The following PPARG variants were observed in gnomAD, a reference collection of about 807,000 sequenced individuals.
PPARG encodes peroxisome proliferator activated receptor gamma, also known as peroxisome proliferator-activated receptor gamma.
In PPARG, 17 loss-of-function variants were observed where a neutral mutation model predicts 39.2. The observed-to-expected ratio is 0.43, with a 90% CI of 0.30 to 0.65. The LOEUF is 0.65. Ranked by LOEUF, PPARG falls within the 30% of genes least tolerant of loss-of-function variation. The probability of loss-of-function intolerance (pLI) is 0.13; values close to 1 mark genes in which losing one functional copy is unlikely to be tolerated. For synonymous variants in PPARG, 223 were observed against 215.7 expected, an observed-to-expected ratio of 1.03 and a Z score of -0.30; for missense variants, 406 against 585.9, an observed-to-expected ratio of 0.69 and a Z score of 3.17.
rs536993642 is a variant in PPARG at position 12,294,328 on chromosome 3, A to G, written c.-83+5194A>G. Among the ~76,000 whole-genome samples the G allele has an allele frequency of 5.9e-5, 9 of 152,356 alleles. No individual in the cohort carries two copies. In the South Asian group the frequency reaches 1.7e-3, roughly 28 times the overall value. On this transcript the variant is annotated intron_variant, in intron 1 of 7. Coordinates refer to ENST00000651735, the MANE Select transcript of PPARG (RefSeq NM_138711.6). ...TCAAAACAGTTATTCTGAAACATCA[A>G]TTAAACTAAGAAATGTAATCACAGT...
At chr3:12,324,893 T>G (rs1004515213) in intron 2 of PPARG, among the ~76,000 whole-genome samples, 8 of 152,212 alleles carry the variant, frequency 5.3e-5, no homozygotes, top group African/African-American at 1.7e-4. Flanking sequence ...CTCTCTACTG[T>G]GTCCTCAGCA....
chr3:12,296,177 G>A lies in PPARG; in HGVS notation c.-83+7043G>A, dbSNP rs143981291. Among the ~76,000 whole-genome samples, 1,060 of 149,918 alleles carry A rather than the reference G, an allele frequency of 7.1e-3. 12 individuals carry two copies. The highest frequency in any genetic ancestry group is 0.023 in the African/African-American group (952 of 40,830). On this transcript the variant is annotated intron_variant, in intron 1 of 7. Transcript: ENST00000651735. ...TGAGACAGGAGAATCACTTGAACCC[G>A]GTAGGTGGAGGTTGCAGTGAGCCGA...
At chr3:12,410,878 T>C (rs2050858748) in intron 6 of PPARG, among the ~76,000 whole-genome samples, 1 of 152,210 alleles carries the variant, frequency 6.6e-6, no homozygotes, top group African/African-American at 2.4e-5. Flanking sequence ...GTATGGGTTC[T>C]TTTCCCTTTA....
chr3:12,381,569 T>C (rs906749154), intron 4 of PPARG, 78 bp downstream of exon 4: 4 of 1,447,148 alleles, frequency 2.8e-6, no homozygotes, highest in Non-Finnish European at 2.9e-6. Context: ...TTTTAGGTGA[T>C]ACAATATATG....
chr3:12,296,206 G>T (rs887636694), intron 1 of PPARG, among the ~76,000 whole-genome samples: 2 of 131,020 alleles, frequency 1.5e-5, no homozygotes, highest in African/African-American at 5.7e-5. Flanking sequence ...GAGCCGAGAA[G>T]ATTGTGCCAC....
At chr3:12,319,588 AAAGTATAT>A (rs1454787668) in intron 2 of PPARG, among the ~76,000 whole-genome samples, 4 of 152,208 alleles carry the variant, frequency 2.6e-5, no homozygotes, top group Non-Finnish European at 5.9e-5. Flanking sequence ...CTGGAAATAT[AAAGTATAT>A]TACTCATGAA....
intron 2 of PPARG, among the ~76,000 whole-genome samples, chr3:12,361,222 A>G (rs574745070): frequency 1.8e-4 from 28 of 152,318 alleles, no homozygotes; most frequent in Middle Eastern, 3.4e-3. Context: ...GTACCTGTTC[A>G]AGTCTTTCAC....
At chr3:12,353,424 A>G (rs962770541) in intron 2 of PPARG, among the ~76,000 whole-genome samples, 1 of 152,120 alleles carries the variant, frequency 6.6e-6, no homozygotes, top group Non-Finnish European at 1.5e-5. Flanking sequence ...CTCTTCCAAA[A>G]CAGACAGACT....
chr3:12,287,823 C>A (rs2046542067), upstream of PPARG: 1 of 95,336 alleles, frequency 1.0e-5, no homozygotes, highest in Non-Finnish European at 2.4e-5. Context: ...CCCGCCCCCA[C>A]CCCCACCCCC....
rs1019315026 is a variant in PPARG, at chr3:12,345,058, A to G, written c.-9+32605A>G. On this transcript the variant is annotated intron_variant, in intron 2 of 7. Transcript: ENST00000651735. Reference sequence around the variant, plus strand: ...AGCATTGTTGTGAGTTTCAAACGAAATAAAAACACTATACAGATCCAAGGT... The same window carrying G: ...AGCATTGTTGTGAGTTTCAAACGAAGTAAAAACACTATACAGATCCAAGGT... Among the ~76,000 whole-genome samples, 3 of 151,740 alleles carry G rather than the reference A, an allele frequency of 2.0e-5. No homozygotes were observed. The Admixed American group carries it at 2.0e-4, about 10-fold the overall frequency.
intron 5 of PPARG, among the ~76,000 whole-genome samples, chr3:12,403,325 TTTTA>T (rs1307678119): frequency 7.2e-5 from 11 of 151,924 alleles, no homozygotes; most frequent in East Asian, 1.9e-4. Context: ...TACTGTATTT[TTTTA>T]TTTGTCTTAT....
intron 2 of PPARG, among the ~76,000 whole-genome samples, chr3:12,364,918 T>G (rs2048966451): frequency 6.6e-6 from 1 of 152,190 alleles, no homozygotes; most frequent in African/African-American, 2.4e-5. Context: ...TTAAGCGTTC[T>G]TTGTATATTT....
At chr3:12,393,190 A>ATTTTTTTTTTTTTTTT (rs143287325) in intron 5 of PPARG, among the ~76,000 whole-genome samples, 1 of 111,542 alleles carries the variant, frequency 9.0e-6, no homozygotes, top group African/African-American at 3.5e-5. Context: ...GATTCATTTA[A>ATTTTTTTTTTTTTTTT]TTTTTTTTTT....
intron 2 of PPARG, among the ~76,000 whole-genome samples, chr3:12,318,852 G>A (rs1240322330): frequency 6.7e-6 from 1 of 150,332 alleles, no homozygotes; most frequent in Non-Finnish European, 1.5e-5. Flanking sequence ...CTTTCATACT[G>A]TTCTAGTTTT....
At chr3:12,343,518 G>T (rs376376994) in intron 2 of PPARG, among the ~76,000 whole-genome samples, 33 of 152,050 alleles carry the variant, frequency 2.2e-4, no homozygotes, top group African/African-American at 8.0e-4. Flanking sequence ...AAATGACTTC[G>T]CAGGGTTGAG....
intron 2 of PPARG, among the ~76,000 whole-genome samples, chr3:12,371,103 A>G (rs1011192823): frequency 5.3e-5 from 8 of 152,276 alleles, no homozygotes; most frequent in Admixed American, 3.9e-4. Context: ...ATTAATATTA[A>G]TTATATTTAT....
At chr3:12,401,636 G>A (rs1317323370) in intron 5 of PPARG, among the ~76,000 whole-genome samples, 1 of 150,938 alleles carries the variant, frequency 6.6e-6, no homozygotes, top group Non-Finnish European at 1.5e-5. Context: ...AAAAAAGTAG[G>A]CAAATAAAAA....
At chr3:12,391,135 G>A (rs1314177988) in intron 4 of PPARG, among the ~76,000 whole-genome samples, 2 of 152,172 alleles carry the variant, frequency 1.3e-5, no homozygotes, top group Non-Finnish European at 2.9e-5. Context: ...CGTGACATCT[G>A]TATTAATTCC....
chr3:12,379,062 A>G (rs571691613), intron 2 of PPARG, among the ~76,000 whole-genome samples: 1 of 152,088 alleles, frequency 6.6e-6, no homozygotes, highest in East Asian at 1.9e-4. Flanking sequence ...GCTGGAGTGC[A>G]GTGGTGTGAT....
Sources: gnomAD v4.1 joint callset for allele counts (sites outside exome capture counted in the v4.1 genomes callset) on GRCh38, gnomAD v4.1.1 for gene constraint, MANE v1.5 for transcripts, NCBI Gene and HGNC (gene_info 2026-07-23, HGNC 2026-07-21) for gene names.